LDLRAD4: variants seen among roughly 807,000 people sequenced by gnomAD.
LDLRAD4 encodes low-density lipoprotein receptor class A domain-containing protein 4.
Under a neutral mutation model 17.0 loss-of-function variants are expected in LDLRAD4, and 5 were observed. The observed-to-expected ratio is 0.29, with a 90% CI of 0.15 to 0.62. LDLRAD4 has a LOEUF of 0.62. Ranked by LOEUF, LDLRAD4 falls within the 20% of genes least tolerant of loss-of-function variation. The probability of loss-of-function intolerance (pLI) is 0.84; values close to 1 mark genes in which losing one functional copy is unlikely to be tolerated. For missense variants in LDLRAD4, 340 were observed against 424.7 expected, an observed-to-expected ratio of 0.80 and a Z score of 1.75; for synonymous variants, 168 against 171.8, an observed-to-expected ratio of 0.98 and a Z score of 0.17.
chr18:13,454,617 G>T (rs2092022251), intron 3 of LDLRAD4, among the ~76,000 whole-genome samples: 1 of 152,216 alleles, frequency 6.6e-6, no homozygotes, highest in African/African-American at 2.4e-5. Context: ...GGGTGGCTTT[G>T]TCCACGCTGA....
intron 1 of LDLRAD4, among the ~76,000 whole-genome samples, chr18:13,238,204 A>G (rs1359507843): frequency 6.6e-6 from 1 of 152,210 alleles, no homozygotes; most frequent in East Asian, 1.9e-4. Flanking sequence ...GCATGAACCC[A>G]GGATTTCTCT....
chr18:13,641,823 G>T (rs1434076168), intron 4 of LDLRAD4: 11 of 985,556 alleles, frequency 1.1e-5, no homozygotes, highest in Non-Finnish European at 2.4e-6. Flanking sequence ...GGGTTTGCTG[G>T]TTTTTCGGGA....
intron 3 of LDLRAD4, among the ~76,000 whole-genome samples, chr18:13,445,614 T>G (rs2091342228): frequency 6.6e-6 from 1 of 150,790 alleles, no homozygotes; most frequent in African/African-American, 2.4e-5. Flanking sequence ...TATTCATGAG[T>G]GTGTGTGCGT....
chr18:13,381,112 A>G (rs1358078019), intron 1 of LDLRAD4, among the ~76,000 whole-genome samples: 5 of 122,772 alleles, frequency 4.1e-5, no homozygotes, highest in Admixed American at 1.0e-4. Context: ...GGGTCTTGCT[A>G]TGTTGCCCAG....
intron 1 of LDLRAD4, among the ~76,000 whole-genome samples, chr18:13,319,926 T>G (rs530255925): frequency 6.6e-6 from 1 of 152,276 alleles, no homozygotes; most frequent in Admixed American, 6.5e-5. Flanking sequence ...CTATTATAAT[T>G]TTTATAATAA....
intron 1 of LDLRAD4, among the ~76,000 whole-genome samples, chr18:13,357,911 A>G (rs1425659808): frequency 6.6e-6 from 1 of 152,212 alleles, no homozygotes; most frequent in African/African-American, 2.4e-5. Context: ...GGATTTTAAC[A>G]TAGTTGATGT....
At chr18:13,236,295 A>G (rs926247266) in intron 1 of LDLRAD4, 5 of 149,512 alleles carry the variant, frequency 3.3e-5, no homozygotes, top group African/African-American at 1.3e-4. Flanking sequence ...CTTTGATCTA[A>G]CAATAGAAAA....
chr18:13,475,427 ATTTTTTT>A (rs35255496), intron 3 of LDLRAD4, among the ~76,000 whole-genome samples: 128 of 131,138 alleles, frequency 9.8e-4, no homozygotes, highest in Non-Finnish European at 1.5e-3. Context: ...CACCCCGCTG[ATTTTTTT>A]TTTTTTTTTT....
At position 13,635,931 on chromosome 18, in the gene LDLRAD4, CTGTGTGTGTGTGTGTG is replaced by C. The variant is rs60695092; in HGVS notation, c.337-7405_337-7390del. Among the ~76,000 whole-genome samples the C allele has an allele frequency of 4.8e-5, 7 of 147,342 alleles. No individual in the cohort carries two copies. In the East Asian group the frequency reaches 1.2e-3, roughly 25 times the overall value. On this transcript the variant is annotated intron_variant, in intron 4 of 5. Coordinates refer to ENST00000359446, the Ensembl canonical transcript of LDLRAD4. Reference sequence around the variant, plus strand: ...GTACGCAGCAGAGAAGACAGCTATGCTGTGTGTGTGTGTGTGTGTGTGTGTGTGTGTGTGTGTGATT... The same window carrying C: ...GTACGCAGCAGAGAAGACAGCTATGCTGTGTGTGTGTGTGTGTGTGTGATT...
intron 1 of LDLRAD4, among the ~76,000 whole-genome samples, chr18:13,289,979 GC>G (rs1468468850): frequency 6.6e-6 from 1 of 152,196 alleles, no homozygotes; most frequent in Non-Finnish European, 1.5e-5. Flanking sequence ...GCAGATTCCT[GC>G]CCTTCCCATA....
chr18:13,243,440 A>G, intron 1 of LDLRAD4, among the ~76,000 whole-genome samples: 1 of 150,506 alleles, frequency 6.6e-6, no homozygotes, highest in Admixed American at 6.6e-5. Flanking sequence ...CCACCTGTAC[A>G]CCCACCCAGC....
At chr18:13,298,522 G>A (rs1297115538) in intron 1 of LDLRAD4, among the ~76,000 whole-genome samples, 1 of 124,586 alleles carries the variant, frequency 8.0e-6, no homozygotes, top group Non-Finnish European at 1.7e-5. Flanking sequence ...GCACGGTGAT[G>A]GGAGCTGCTC....
chr18:13,347,306 T>C (rs1013498112), intron 1 of LDLRAD4, among the ~76,000 whole-genome samples: 3 of 152,166 alleles, frequency 2.0e-5, no homozygotes, highest in Non-Finnish European at 2.9e-5. Flanking sequence ...GTCTGTAAAG[T>C]ATTTTATTTC....
intron 3 of LDLRAD4, chr18:13,520,509 T>C (rs2147643012): frequency 6.6e-6 from 1 of 152,332 alleles, no homozygotes. Flanking sequence ...ACATAGGAAG[T>C]GCTCGGGGCA....
intron 3 of LDLRAD4, chr18:13,462,266 G>A (rs1371702302): frequency 6.6e-6 from 1 of 152,330 alleles, no homozygotes; most frequent in East Asian, 1.9e-4. Context: ...CAGGGGCCAG[G>A]TGTGCAACAG....
At chr18:13,620,433 G>A (rs1021038484) in intron 3 of LDLRAD4, among the ~76,000 whole-genome samples, 1 of 152,244 alleles carries the variant, frequency 6.6e-6, no homozygotes, top group Non-Finnish European at 1.5e-5. Flanking sequence ...TGGGCTGGAA[G>A]AGGGGAGCAG....
chr18:13,407,033 C>A lies in LDLRAD4; in HGVS notation c.40+19271C>A. Among the ~76,000 whole-genome samples, 4 of 152,262 alleles carry A rather than the reference C, an allele frequency of 2.6e-5. No homozygotes were observed. The Middle Eastern group carries it at 0.01, about 388-fold the overall frequency. On this transcript the variant is annotated intron_variant, in intron 2 of 5. Transcript: ENST00000359446. ...CATATGTGCGATAAACTTAGCACGG[C>A]GTGGCGGGCTGCAGGACGGAATAGT...
At chr18:13,355,064 C>T (rs1220905307) in intron 1 of LDLRAD4, among the ~76,000 whole-genome samples, 7 of 152,200 alleles carry the variant, frequency 4.6e-5, no homozygotes, top group Non-Finnish European at 1.5e-5. Context: ...TAAACAGGAT[C>T]GATGGGCAGA....
intron 2 of LDLRAD4, among the ~76,000 whole-genome samples, chr18:13,410,231 A>T (rs945526672): frequency 6.6e-6 from 1 of 151,532 alleles, no homozygotes; most frequent in African/African-American, 2.4e-5. Flanking sequence ...CCTAGATGGG[A>T]TCCTGATGGG....
Sources: allele counts gnomAD v4.1 joint callset (sites outside exome capture counted in the v4.1 genomes callset), GRCh38; gene constraint gnomAD v4.1.1; transcripts MANE v1.5; gene names NCBI Gene and HGNC (gene_info 2026-07-23, HGNC 2026-07-21).